Variants in SLC27A5 observed in about 807,000 individuals in gnomAD.
SLC27A5 encodes long-chain fatty acid transport protein 5.
Under a neutral mutation model 63.1 loss-of-function variants are expected in SLC27A5, and 47 were observed. That is an observed-to-expected ratio of 0.74 (90% CI 0.59 to 0.95). The LOEUF is 0.95. Ranked by LOEUF, SLC27A5 falls within the 40% of genes least tolerant of loss-of-function variation. The probability of loss-of-function intolerance (pLI) is 0.00; values close to 1 mark genes in which losing one functional copy is unlikely to be tolerated. For synonymous variants in SLC27A5, 391 were observed against 403.8 expected (o/e 0.97, Z 0.38); for missense variants, 940 against 921.0 (o/e 1.02, Z -0.27).
chr19:58,504,880 CT>C (rs2053327278), intron 3 of SLC27A5, among the ~76,000 whole-genome samples: 1 of 151,506 alleles, frequency 6.6e-6, no homozygotes, highest in Non-Finnish European at 1.5e-5. Context: ...GTGGCGGTCA[CT>C]TGTAGTCCCA....
intron 3 of SLC27A5, 32 bp from the exon 4 acceptor site, chr19:58,501,442 C>A: frequency 1.2e-6 from 2 of 1,606,266 alleles, no homozygotes; most frequent in South Asian, 2.2e-5. Flanking sequence ...GGTTTCAGGT[C>A]ATGCTTCCAA....
intron 3 of SLC27A5, chr19:58,507,735 C>A (rs992628663): frequency 2.6e-5 from 4 of 152,034 alleles, no homozygotes; most frequent in South Asian, 4.1e-4. Flanking sequence ...AACATTAAGA[C>A]CCTGGGAAAG....
chr19:58,499,730 A>T, intron 6 of SLC27A5, 40 bp from the exon 7 acceptor site: 1 of 1,595,014 alleles, frequency 6.3e-7, no homozygotes, highest in Non-Finnish European at 8.5e-7. Context: ...GGAGCCCACC[A>T]GCCAAGCCCC....
chr19:58,510,101 T>C, intron 2 of SLC27A5, 96 bp from the exon 3 acceptor site: 2 of 1,326,878 alleles, frequency 1.5e-6, no homozygotes, highest in South Asian at 2.8e-5. Context: ...AGGCCTACAT[T>C]GGGGTTTGAG....
intron 3 of SLC27A5, 134 bp downstream of exon 3, chr19:58,509,713 G>T: frequency 2.6e-6 from 2 of 771,732 alleles, no homozygotes; most frequent in Non-Finnish European, 4.0e-6. Flanking sequence ...GGTAGTCATT[G>T]GTGGGTGTCC....
intron 2 of SLC27A5, chr19:58,510,448 C>T: frequency 2.4e-6 from 1 of 409,704 alleles, no homozygotes; most frequent in East Asian, 4.3e-5. Context: ...GTGGTGTGTG[C>T]CTGTAATCCC....
In SLC27A5 at chr19:58,498,653, C is replaced by A; in HGVS notation, c.1935G>T (p.Lys645Asn). 1 of 1,614,126 alleles carries A rather than the reference C, an allele frequency of 6.2e-7. No homozygotes were observed. Among genetic ancestry groups the A allele is most frequent in the Non-Finnish European group, 8.5e-7 (1 of 1,180,006 alleles). ...TGAAGCCCTCACGCACCAACCGGGT[C>A]TTCATCAGTTTGAACGTGCTGGTGA... is the stretch of plus-strand genomic sequence containing the variant. ...MEVTSTFKLM[K>N]TRLVREGFNV... Residue 645 changes from lysine (K) to asparagine (N), a missense_variant, in exon 10 of 10, where the codon AAG becomes AAT. Lys to Asn is a moderately conservative substitution (Grantham distance 94). Coordinates refer to ENST00000263093, the MANE Select transcript of SLC27A5 (RefSeq NM_012254.3).
intron 6 of SLC27A5, 74 bp from the exon 7 acceptor site, chr19:58,499,764 TG>T (rs913980298): frequency 9.7e-6 from 14 of 1,446,720 alleles, no homozygotes; most frequent in Middle Eastern, 2.1e-4. Context: ...TCAACAACGG[TG>T]GACTCTTCAT....
chr19:58,511,799 GT>G lies in SLC27A5; in HGVS notation c.156del (p.Arg53GlyfsTer12). 1.3e-6 allele frequency: 2 copies of G among 1,556,072 alleles called. No homozygotes were observed. The highest frequency in any genetic ancestry group is 1.7e-6 in the Non-Finnish European group (2 of 1,150,372). The part of the protein sequence containing the change: ...CCVLLGLAML[A>X]RPWLGPWVPH... ...GGCACCCAGGGGCCGAGCCAGGGCCGTGCTAACATGGCCAGCCCAAGTAGCA... is the reference window on the plus strand; with the variant it reads ...GGCACCCAGGGGCCGAGCCAGGGCCGGCTAACATGGCCAGCCCAAGTAGCA... On this transcript the variant is annotated frameshift_variant, in exon 1 of 10. Transcript: ENST00000263093. LOFTEE classifies it high-confidence loss of function.
chr19:58,499,059 A>C (rs2053241653), intron 8 of SLC27A5, 64 bp downstream of exon 8: 4 of 1,607,162 alleles, frequency 2.5e-6, no homozygotes, highest in Non-Finnish European at 3.4e-6. Flanking sequence ...CCACCTGTAA[A>C]ATCAGAATAA....
In SLC27A5 at chr19:58,511,349, AG is replaced by A; in HGVS notation, c.606del (p.Trp203GlyfsTer16). On this transcript the variant is annotated frameshift_variant, in exon 1 of 10. Transcript: ENST00000263093. LOFTEE classifies it high-confidence loss of function. ...LGLAKLGCPT[A>X]WINPHGRGMP... ...ATCCCCCGGCCATGCGGGTTGATCC[AG>A]GCTGTTGGGCAGCCCAGCTTGGCCA... The A allele has an allele frequency of 6.2e-7, 1 of 1,604,968 alleles. No individual in the cohort carries two copies. Among genetic ancestry groups the A allele is most frequent in the Non-Finnish European group, 8.5e-7 (1 of 1,174,208 alleles).
intron 3 of SLC27A5, chr19:58,507,346 GA>G (rs1203300370): frequency 6.6e-6 from 1 of 152,494 alleles, no homozygotes; most frequent in Admixed American, 6.5e-5. Context: ...CACGGCAGAG[GA>G]ACATAAATTG....
intron 2 of SLC27A5, 144 bp downstream of exon 2, chr19:58,510,577 A>G: frequency 1.3e-6 from 1 of 792,676 alleles, no homozygotes; most frequent in African/African-American, 1.8e-5. Flanking sequence ...CTGCCTCGAA[A>G]AAAAAAACAG....
In SLC27A5 at chr19:58,499,494, G is replaced by C. The variant is rs1391277604; in HGVS notation, c.1665C>G (p.Phe555Leu). The change falls in exon 7 of 10, where the codon TTC becomes TTG. Residue 555 changes from phenylalanine to leucine, a missense_variant and splice_region_variant. By Grantham distance (22) the Phe-to-Leu change is conservative. Transcript: ENST00000263093. ...LYFRDRLGDT[F>L]RWKGENVSTH... ...CCCCGAGAAACCCTGCCTCGGACCG[G>C]AAGGTGTCCCCGAGGCGGTCGCGGA... is the stretch of plus-strand genomic sequence containing the variant. 1.2e-6 allele frequency: 2 copies of C among 1,612,974 alleles called. No homozygotes were observed. The highest frequency in any genetic ancestry group is 1.7e-6 in the Non-Finnish European group (2 of 1,179,998).
intron 2 of SLC27A5, chr19:58,510,305 G>A: frequency 2.6e-6 from 1 of 389,616 alleles, no homozygotes. Flanking sequence ...TGGGAGCAGT[G>A]GCTCACGCCT....
chr19:58,501,713 G>T lies in SLC27A5; in HGVS notation c.1058-303C>A, dbSNP rs1393812285. 2.0e-5 allele frequency among the ~76,000 whole-genome samples: 3 copies of T among 152,194 alleles called. No homozygotes were observed. In the East Asian group the frequency reaches 5.8e-4, roughly 29 times the overall value. On this transcript the variant is annotated intron_variant, in intron 3 of 9. Coordinates refer to ENST00000263093, the MANE Select transcript of SLC27A5 (RefSeq NM_012254.3). The stretch of plus-strand genomic sequence containing the variant: ...TTTTGAGACGGAGTCTCGCTCTGTT[G>T]CCCAGGCTGGAGTGCAGTGGTGCAA...
chr19:58,500,314 A>G (rs1600028181), intron 6 of SLC27A5, 25 bp downstream of exon 6: 1 of 1,602,760 alleles, frequency 6.2e-7, no homozygotes, highest in Non-Finnish European at 8.5e-7. Flanking sequence ...CCTGCCACCC[A>G]GGAAAGGCTC....
chr19:58,509,586 C>T lies in SLC27A5; in HGVS notation c.1057+261G>A, dbSNP rs1178665272. 1.1e-5 allele frequency: 4 copies of T among 374,810 alleles called. No individual in the cohort carries two copies. In the East Asian group the frequency reaches 1.4e-4, roughly 13 times the overall value. 23.2% of individuals were successfully genotyped at this position (374,810 alleles called of 1,614,324 possible). A position where few individuals can be genotyped will look rare whatever the true frequency, so the allele number is the denominator to read the frequency against. On this transcript the variant is annotated intron_variant, in intron 3 of 9. Coordinates refer to ENST00000263093, the MANE Select transcript of SLC27A5 (RefSeq NM_012254.3). ...GCCAGCATCCCCATCATCTCCTGAG[C>T]ACCACACCTTCCTTGGATGCCTGTG...
At position 58,500,346 on chromosome 19, in the gene SLC27A5, T is replaced by A; in HGVS notation, c.1461A>T (p.Val487=). The A allele has an allele frequency of 6.2e-7, 1 of 1,612,940 alleles. No individual in the cohort carries two copies. Among genetic ancestry groups the A allele is most frequent in the Non-Finnish European group, 8.5e-7 (1 of 1,179,864 alleles). Residue 487 remains valine, a synonymous_variant, in exon 6 of 10, where the codon GTA becomes GTT. Coordinates refer to ENST00000263093, the MANE Select transcript of SLC27A5 (RefSeq NM_012254.3). ...GCTCCTCAACCCCCATACCTAGCCC[T>A]ACAGGGATGCAGAAGCCCTGATTGT... The part of the protein sequence containing the change: ...VRDNQGFCIP[V]GLGEPGLLLT...
Sources: allele counts gnomAD v4.1 joint callset (sites outside exome capture counted in the v4.1 genomes callset), GRCh38; gene constraint gnomAD v4.1.1; transcripts MANE v1.5; gene names NCBI Gene and HGNC (gene_info 2026-07-23, HGNC 2026-07-21).